Variants in GAB2 observed in about 807,000 individuals in gnomAD.
GAB2 encodes the protein GRB2-associated-binding protein 2.
A neutral mutation model predicts 65.5 loss-of-function variants in GAB2; 26 were observed. That is an observed-to-expected ratio of 0.40 (90% CI 0.29 to 0.55). GAB2 has a LOEUF of 0.55. Among genes scored for constraint, GAB2 ranks in the 20% least tolerant of loss-of-function variants. GAB2 has a pLI of 0.53. For missense variants in GAB2, 884 were observed against 875.8 expected, an observed-to-expected ratio of 1.01 and a Z score of -0.12; for synonymous variants, 321 against 329.6, an observed-to-expected ratio of 0.97 and a Z score of 0.28.
At chr11:78,355,055 T>C (rs568958423) in intron 1 of GAB2, among the ~76,000 whole-genome samples, 147 of 152,322 alleles carry the variant, frequency 9.7e-4, no homozygotes, top group Non-Finnish European at 1.2e-3. Context: ...TTCACAATCT[T>C]AAAACAGAGA....
At chr11:78,325,921 T>A (rs1426573266) in intron 1 of GAB2, among the ~76,000 whole-genome samples, 1 of 152,222 alleles carries the variant, frequency 6.6e-6, no homozygotes, top group Non-Finnish European at 1.5e-5. Context: ...TTTTAAACAT[T>A]GTATTTTTTA....
chr11:78,311,820 G>A (rs867469056), intron 1 of GAB2, among the ~76,000 whole-genome samples: 7 of 152,308 alleles, frequency 4.6e-5, no homozygotes, highest in Non-Finnish European at 8.8e-5. Context: ...TAGGTATGAG[G>A]CTGTGGGCAA....
chr11:78,228,333 A>C (rs1269839896), intron 3 of GAB2, among the ~76,000 whole-genome samples: 2 of 150,686 alleles, frequency 1.3e-5, no homozygotes, highest in Non-Finnish European at 2.9e-5. Context: ...CACTTGGGGA[A>C]AAAAAGAATC....
chr11:78,300,243 A>G (rs2134623088), intron 1 of GAB2, among the ~76,000 whole-genome samples: 1 of 151,618 alleles, frequency 6.6e-6, no homozygotes, highest in African/African-American at 2.4e-5. Context: ...CTTTTTATGC[A>G]CAACATGAAG....
chr11:78,310,732 A>G (rs115821550), intron 1 of GAB2, among the ~76,000 whole-genome samples: 434 of 152,292 alleles, frequency 2.8e-3, no homozygotes, highest in African/African-American at 9.9e-3. Context: ...GTCGTGTTCC[A>G]GCGCCACTGT....
intron 3 of GAB2, among the ~76,000 whole-genome samples, chr11:78,234,179 C>G (rs1590952265): frequency 6.6e-6 from 1 of 152,144 alleles, no homozygotes; most frequent in African/African-American, 2.4e-5. Flanking sequence ...CTCCCCCAGG[C>G]TCAAGTGATC....
chr11:78,226,704 G>C lies in GAB2; in HGVS notation c.968C>G (p.Ala323Gly), dbSNP rs1213639476. ...AGTGAATGTCCTAGGGATCTGGTAG[G>C]CTGAGAGTGGGGTGGCCGGAACATC... ...NMDVPATPLS[A>G]YQIPRTFTLD... Residue 323 changes from alanine to glycine, a missense_variant, in exon 4 of 10, where the codon GCC (alanine) becomes GGC (glycine). Transcript: ENST00000361507. 3 of 1,613,730 alleles carry C rather than the reference G, an allele frequency of 1.9e-6. No individual in the cohort carries two copies. The highest frequency in any genetic ancestry group is 2.5e-6 in the Non-Finnish European group (3 of 1,179,782).
chr11:78,353,652 G>T (rs938847402), intron 1 of GAB2, among the ~76,000 whole-genome samples: 1 of 152,202 alleles, frequency 6.6e-6, no homozygotes. Context: ...CTTGTGGCTA[G>T]TACAACTCAG....
intron 2 of GAB2, among the ~76,000 whole-genome samples, chr11:78,269,129 G>T (rs944661603): frequency 6.6e-6 from 1 of 152,056 alleles, no homozygotes; most frequent in African/African-American, 2.4e-5. Flanking sequence ...AAAAAAGGGT[G>T]GGTGATTCAG....
intron 1 of GAB2, among the ~76,000 whole-genome samples, chr11:78,292,734 C>T (rs1007559357): frequency 3.3e-5 from 5 of 152,202 alleles, no homozygotes; most frequent in African/African-American, 9.7e-5. Flanking sequence ...GCTATCCTTC[C>T]TCTAGCAATC....
At chr11:78,267,195 C>T (rs1865894231) in intron 2 of GAB2, among the ~76,000 whole-genome samples, 1 of 152,164 alleles carries the variant, frequency 6.6e-6, no homozygotes, top group African/African-American at 2.4e-5. Flanking sequence ...TAGCCAAGAT[C>T]CCAGGGCTAA....
chr11:78,233,100 C>T (rs981161845), intron 3 of GAB2, among the ~76,000 whole-genome samples: 1 of 141,950 alleles, frequency 7.0e-6, no homozygotes, highest in Non-Finnish European at 1.5e-5. Context: ...AATGCAGTGA[C>T]GTGATCTCAG....
chr11:78,245,931 T>C lies in GAB2; in HGVS notation c.620+4226A>G, dbSNP rs111763142. ...ATAAACTCCTTGGTTGGCAGAGGGTTTTTTTATTTTCTTTTTTTCTTTTTT... is the reference window on the plus strand; with the variant it reads ...ATAAACTCCTTGGTTGGCAGAGGGTCTTTTTATTTTCTTTTTTTCTTTTTT... On this transcript the variant is annotated intron_variant, in intron 3 of 9. Transcript: ENST00000361507. 4.0e-5 allele frequency among the ~76,000 whole-genome samples: 6 copies of C among 151,488 alleles called. No individual in the cohort carries two copies. The East Asian group carries it at 7.9e-4, about 20-fold the overall frequency.
chr11:78,296,216 G>A (rs1475233983), intron 1 of GAB2, among the ~76,000 whole-genome samples: 1 of 152,204 alleles, frequency 6.6e-6, no homozygotes, highest in Non-Finnish European at 1.5e-5. Flanking sequence ...GTTCCTAACA[G>A]GCCAGACTGG....
intron 1 of GAB2, among the ~76,000 whole-genome samples, chr11:78,339,206 A>G (rs138899756): frequency 0.013 from 1,927 of 152,226 alleles, 36 homozygotes; most frequent in African/African-American, 0.044. Context: ...GATTACAGGC[A>G]TGAGCCACTG....
intron 5 of GAB2, among the ~76,000 whole-genome samples, chr11:78,224,328 C>T (rs1306061658): frequency 6.6e-6 from 1 of 152,146 alleles, no homozygotes; most frequent in Non-Finnish European, 1.5e-5. Context: ...CCAGACTCAC[C>T]ACTGGCAGGT....
intron 1 of GAB2, among the ~76,000 whole-genome samples, chr11:78,321,378 T>C (rs1310236283): frequency 6.6e-6 from 1 of 152,226 alleles, no homozygotes; most frequent in Non-Finnish European, 1.5e-5. Context: ...CTATTACCGA[T>C]GGAACTTATC....
In GAB2 at chr11:78,219,062, C is replaced by G; in HGVS notation, c.*210G>C. The G allele has an allele frequency of 1.8e-6, 1 of 547,150 alleles. No homozygotes were observed. The highest frequency in any genetic ancestry group is 3.2e-6 in the Non-Finnish European group (1 of 309,120). The allele number at this position is 547,150 out of a possible 1,614,324, so 33.9% of individuals were successfully genotyped here. A position where few individuals can be genotyped will look rare whatever the true frequency, so the allele number is the denominator to read the frequency against. ...TGGCCATTACTGATAAAAATCACAGCTGGGCCCCGAGTGGGCAGAGGAGGT... is the reference window on the plus strand; with the variant it reads ...TGGCCATTACTGATAAAAATCACAGGTGGGCCCCGAGTGGGCAGAGGAGGT... On this transcript the variant is annotated 3_prime_UTR_variant, in exon 10 of 10. Coordinates refer to ENST00000361507, the MANE Select transcript of GAB2 (RefSeq NM_080491.3).
At chr11:78,331,787 T>C (rs528619514) in intron 1 of GAB2, among the ~76,000 whole-genome samples, 2 of 152,066 alleles carry the variant, frequency 1.3e-5, no homozygotes, top group South Asian at 4.2e-4. Flanking sequence ...ACCAAGGGGA[T>C]TGGAAAACAG....
Sources: gnomAD v4.1 joint callset for allele counts (sites outside exome capture counted in the v4.1 genomes callset) on GRCh38, gnomAD v4.1.1 for gene constraint, MANE v1.5 for transcripts, NCBI Gene and HGNC (gene_info 2026-07-23, HGNC 2026-07-21) for gene names.